The following BMP7 variants were observed in gnomAD, a reference collection of about 807,000 sequenced individuals.
The protein encoded by BMP7 is bone morphogenetic protein 7, also known as osteogenic protein 1.
A neutral mutation model predicts 41.2 loss-of-function variants in BMP7; 12 were observed. The ratio of observed to expected loss-of-function variants is 0.29; its 90% confidence interval spans 0.19 to 0.47. The LOEUF (loss-of-function observed/expected upper bound fraction) is 0.47. BMP7 is among the 20% of genes least tolerant of loss of function. BMP7 has a pLI of 0.99. For missense variants in BMP7, 467 were observed against 606.0 expected (o/e 0.77, Z 2.41); for synonymous variants, 248 against 250.0 (o/e 0.99, Z 0.07).
In BMP7 at chr20:57,228,273, C is replaced by T. The variant is rs547066469; in HGVS notation, c.567G>A (p.Thr189=). The T allele has an allele frequency of 1.1e-5, 18 of 1,614,136 alleles. No individual in the cohort carries two copies. The highest frequency in any genetic ancestry group is 5.3e-5 in the African/African-American group (4 of 75,040). ...GCACCTGATAAACGCTGATCCGGAA[C>T]GTCTCATTGTCGAAGCGTTCCCGGA... ...DYIRERFDNE[T]FRISVYQVLQ... Residue 189 remains threonine, a synonymous_variant, in exon 2 of 7, where the codon ACG becomes ACA. Transcript: ENST00000395863. This position sits in a 1 kb window ranked among gnomAD's most constrained non-coding sequence, Gnocchi z 4.5.
intron 4 of BMP7, among the ~76,000 whole-genome samples, chr20:57,181,496 T>TAAA (rs67768281): frequency 7.2e-6 from 1 of 139,590 alleles, no homozygotes; most frequent in African/African-American, 2.6e-5. Flanking sequence ...ACCCTGTCTC[T>TAAA]AAAAAAAAAA....
chr20:57,199,681 A>G (rs1984578089), intron 3 of BMP7, among the ~76,000 whole-genome samples: 2 of 152,142 alleles, frequency 1.3e-5, no homozygotes, highest in African/African-American at 4.8e-5. Context: ...ATGTCTCGAA[A>G]ATCCCGGACT....
chr20:57,207,969 A>G (rs1984780756), intron 2 of BMP7, among the ~76,000 whole-genome samples: 1 of 151,576 alleles, frequency 6.6e-6, no homozygotes, highest in South Asian at 2.1e-4. Context: ...AGCTGGGACT[A>G]CAGGCGCCCG....
intron 2 of BMP7, among the ~76,000 whole-genome samples, chr20:57,203,793 A>G (rs755651381): frequency 2.6e-5 from 4 of 152,208 alleles, no homozygotes; most frequent in Non-Finnish European, 5.9e-5. Context: ...TCCCTGCCCC[A>G]GGGCAACAAC....
chr20:57,254,017 CTTTTTTTTT>C (rs35180643), intron 1 of BMP7, among the ~76,000 whole-genome samples: 5 of 71,532 alleles, frequency 7.0e-5, no homozygotes, highest in African/African-American at 1.2e-4. Context: ...GGTTTCTTTC[CTTTTTTTTT>C]TTTTTTTTTT....
At chr20:57,201,145 C>T (rs985915672) in intron 3 of BMP7, among the ~76,000 whole-genome samples, 2 of 152,222 alleles carry the variant, frequency 1.3e-5, no homozygotes, top group Admixed American at 6.5e-5. Context: ...CTGCATTTTA[C>T]CAAGATGCCT....
At chr20:57,201,558 G>A (rs1355210259) in intron 3 of BMP7, among the ~76,000 whole-genome samples, 1 of 152,248 alleles carries the variant, frequency 6.6e-6, no homozygotes, top group Non-Finnish European at 1.5e-5. Flanking sequence ...TCAGCAGCTG[G>A]AGAAGAAAGT....
At position 57,184,455 on chromosome 20, in the gene BMP7, G is replaced by A. The variant is rs915648178; in HGVS notation, c.761-536C>T. On this transcript the variant is annotated intron_variant, in intron 3 of 6. Transcript: ENST00000395863. ...GAGGGAACTGCAGAGGTGAATGCCCGGAGGCAGGAGCAAGGAGGGTGTGTT... is the reference window on the plus strand; with the variant it reads ...GAGGGAACTGCAGAGGTGAATGCCCAGAGGCAGGAGCAAGGAGGGTGTGTT... 7.0e-4 allele frequency among the ~76,000 whole-genome samples: 107 copies of A among 152,264 alleles called. 1 individual carries two copies. The highest frequency in any genetic ancestry group is 2.4e-3 in the African/African-American group (100 of 41,536).
At chr20:57,206,632 G>A (rs1984738989) in intron 2 of BMP7, among the ~76,000 whole-genome samples, 1 of 152,166 alleles carries the variant, frequency 6.6e-6, no homozygotes, top group Admixed American at 6.5e-5. Context: ...AAGGGATAAG[G>A]CAAGGTTACG....
intron 1 of BMP7, among the ~76,000 whole-genome samples, chr20:57,239,671 T>C (rs1388180064): frequency 6.6e-6 from 1 of 152,266 alleles, no homozygotes; most frequent in African/African-American, 2.4e-5. Context: ...AACTTTTGCC[T>C]GGGCATCCAG....
At chr20:57,210,229 C>G (rs932228085) in intron 2 of BMP7, among the ~76,000 whole-genome samples, 6 of 152,212 alleles carry the variant, frequency 3.9e-5, no homozygotes, top group African/African-American at 1.2e-4. Context: ...AACCACCAGC[C>G]TGGGGACAGC....
intron 1 of BMP7, among the ~76,000 whole-genome samples, chr20:57,245,873 C>T (rs1387789636): frequency 6.6e-6 from 1 of 150,696 alleles, no homozygotes; most frequent in Non-Finnish European, 1.5e-5. Flanking sequence ...CTCCTGACCT[C>T]ATGATCTGCC....
intron 3 of BMP7, among the ~76,000 whole-genome samples, chr20:57,198,804 G>A (rs1318058834): frequency 1.3e-5 from 2 of 152,182 alleles, no homozygotes; most frequent in Non-Finnish European, 2.9e-5. Context: ...CCTTCTGAAA[G>A]AAGGTCTGCG....
intron 1 of BMP7, among the ~76,000 whole-genome samples, chr20:57,237,217 G>A (rs1380326228): frequency 6.6e-6 from 1 of 152,180 alleles, no homozygotes; most frequent in Non-Finnish European, 1.5e-5. Context: ...CTTTAATGAG[G>A]ATGAAGCTCA....
At chr20:57,182,894 A>G (rs1016395141) in intron 4 of BMP7, among the ~76,000 whole-genome samples, 11 of 152,270 alleles carry the variant, frequency 7.2e-5, no homozygotes, top group African/African-American at 2.4e-4. Context: ...TCGTAAATAA[A>G]CATTTCAAAC....
chr20:57,253,569 C>T (rs899666885), intron 1 of BMP7, among the ~76,000 whole-genome samples: 15 of 152,144 alleles, frequency 9.9e-5, no homozygotes, highest in African/African-American at 3.6e-4. Flanking sequence ...TAGATTGATT[C>T]GTTATTGGCC....
At chr20:57,217,244 G>C (rs1002432) in intron 2 of BMP7, among the ~76,000 whole-genome samples, 3 of 145,756 alleles carry the variant, frequency 2.1e-5, no homozygotes, top group African/African-American at 7.3e-5. Context: ...GGCTGAGCCC[G>C]CTCCCTAAGC....
intron 2 of BMP7, among the ~76,000 whole-genome samples, chr20:57,222,059 T>C (rs1278020576): frequency 6.6e-6 from 1 of 151,848 alleles, no homozygotes; most frequent in African/African-American, 2.4e-5. Flanking sequence ...TTCCCACAGG[T>C]GGTCTACAAG....
chr20:57,212,560 G>A (rs1984917462), intron 2 of BMP7, among the ~76,000 whole-genome samples: 1 of 152,254 alleles, frequency 6.6e-6, no homozygotes, highest in African/African-American at 2.4e-5. Flanking sequence ...CCTGCATGTT[G>A]TGAACGGTTG....
Sources: allele counts gnomAD v4.1 joint callset (sites outside exome capture counted in the v4.1 genomes callset), GRCh38; gene constraint gnomAD v4.1.1; non-coding constraint Gnocchi (gnomAD v3.1); transcripts MANE v1.5; gene names NCBI Gene and HGNC (gene_info 2026-07-23, HGNC 2026-07-21).